DAPK1: variants seen among roughly 807,000 people sequenced by gnomAD.
The protein encoded by DAPK1 is death associated protein kinase 1.
A neutral mutation model predicts 144.9 loss-of-function variants in DAPK1; 56 were observed. The ratio of observed to expected loss-of-function variants is 0.39; its 90% confidence interval spans 0.31 to 0.48. The LOEUF (loss-of-function observed/expected upper bound fraction) is 0.48, where lower values mean the gene tolerates loss of function less well. Among genes scored for constraint, DAPK1 ranks in the 20% least tolerant of loss-of-function variants. The probability of loss-of-function intolerance (pLI) is 0.95; values close to 1 mark genes in which losing one functional copy is unlikely to be tolerated. For synonymous variants in DAPK1, 690 were observed against 749.0 expected (o/e 0.92, Z 1.29); for missense variants, 1,454 against 1,875.4 (o/e 0.78, Z 4.15).
At chr9:87,531,286 G>A (rs1825690952) in intron 2 of DAPK1, among the ~76,000 whole-genome samples, 1 of 152,192 alleles carries the variant, frequency 6.6e-6, no homozygotes, top group African/African-American at 2.4e-5. Context: ...GCTGGCTGGA[G>A]TTCATTACTG....
intron 2 of DAPK1, among the ~76,000 whole-genome samples, chr9:87,571,589 TC>T (rs1827363786): frequency 6.6e-6 from 1 of 150,934 alleles, no homozygotes; most frequent in South Asian, 2.1e-4. Context: ...TCCCATTTGA[TC>T]TGTCTCCTTG....
chr9:87,621,842 T>C (rs1829304254), intron 3 of DAPK1, among the ~76,000 whole-genome samples: 1 of 152,150 alleles, frequency 6.6e-6, no homozygotes, highest in South Asian at 2.1e-4. Context: ...AACTGTGGCC[T>C]GGGTGACTCT....
Position 87,639,392 on chromosome 9 carries a change from A to T in DAPK1, c.462A>T (p.Lys154Asn). 6.2e-7 allele frequency: 1 copy of T among 1,610,674 alleles called. No individual in the cohort carries two copies. The highest frequency in any genetic ancestry group is 8.5e-7 in the Non-Finnish European group (1 of 1,179,146). ...TGCTTTTGGATAGAAATGTCCCCAA[A>T]CCTCGGATCAAGATCATTGACTTTG... ...NIMLLDRNVP[K>N]PRIKIIDFGL... Residue 154 changes from lysine (K) to asparagine (N), a missense_variant, in exon 5 of 26, where the codon AAA becomes AAT. Lys to Asn is a moderately conservative substitution (Grantham distance 94). Around this residue, in one of 2 missense-constraint regions of DAPK1, gnomAD observed 429 missense variants for 637.5 expected, o/e 0.67. Transcript: ENST00000408954.
chr9:87,638,686 A>C (rs180825667), intron 4 of DAPK1, among the ~76,000 whole-genome samples: 5 of 152,312 alleles, frequency 3.3e-5, no homozygotes, highest in Admixed American at 1.3e-4. Flanking sequence ...CTGGTAAAGC[A>C]GCGCGTGCTC....
chr9:87,676,178 C>G (rs1359466326), intron 19 of DAPK1, among the ~76,000 whole-genome samples: 1 of 152,242 alleles, frequency 6.6e-6, no homozygotes, highest in Non-Finnish European at 1.5e-5. Flanking sequence ...CTGGCCCAGC[C>G]AGGGAGGGCC....
At chr9:87,672,321 G>A (rs1824199818) in intron 19 of DAPK1, among the ~76,000 whole-genome samples, 1 of 152,150 alleles carries the variant, frequency 6.6e-6, no homozygotes. Flanking sequence ...GTTTACAGAG[G>A]GGAATGTTGC....
At chr9:87,508,381 C>T (rs1297204647) in intron 2 of DAPK1, among the ~76,000 whole-genome samples, 1 of 148,834 alleles carries the variant, frequency 6.7e-6, no homozygotes, top group African/African-American at 2.5e-5. Context: ...CTTGCTTTGT[C>T]GCCCAGGCTG....
intron 3 of DAPK1, among the ~76,000 whole-genome samples, chr9:87,610,499 C>A (rs1015477): frequency 0.53 from 81,126 of 152,178 alleles, 24,014 homozygotes; most frequent in African/African-American, 0.79. Context: ...GGCATTGTTC[C>A]TCAGCAGCCC....
chr9:87,628,207 G>A (rs1353484739), intron 3 of DAPK1, among the ~76,000 whole-genome samples: 1 of 152,198 alleles, frequency 6.6e-6, no homozygotes, highest in African/African-American at 2.4e-5. Flanking sequence ...AATCCATGCG[G>A]CTCCTTTTAA....
intron 19 of DAPK1, among the ~76,000 whole-genome samples, chr9:87,676,285 A>G (rs1824375609): frequency 6.6e-6 from 1 of 152,200 alleles, no homozygotes; most frequent in Non-Finnish European, 1.5e-5. Context: ...CCCCCTCCAA[A>G]TAAATCAGTC....
At chr9:87,583,429 G>A (rs1031299982) in intron 2 of DAPK1, among the ~76,000 whole-genome samples, 13 of 152,166 alleles carry the variant, frequency 8.5e-5, no homozygotes, top group African/African-American at 2.9e-4. Context: ...CAAATGTAAC[G>A]AGCCCCAAGC....
rs1232689193 is a variant in DAPK1 at position 87,708,154 on chromosome 9, A to G, written c.*790A>G. The G allele has an allele frequency of 7.9e-6, 2 of 251,864 alleles. No homozygotes were observed. Among genetic ancestry groups the G allele is most frequent in the Non-Finnish European group, 1.6e-5 (2 of 127,534 alleles). The allele number at this position is 251,864 out of a possible 1,614,324, so 15.6% of individuals were successfully genotyped here. ...CATTTTTCCGTTTGCTTTTGTTCCA[A>G]TGTCAATGTGAACGTCCACATGAAA... On this transcript the variant is annotated 3_prime_UTR_variant, in exon 26 of 26. Transcript: ENST00000408954.
chr9:87,561,327 C>G (rs1341668685), intron 2 of DAPK1, among the ~76,000 whole-genome samples: 2 of 152,084 alleles, frequency 1.3e-5, no homozygotes, highest in African/African-American at 2.4e-5. Context: ...GAGATCGAGA[C>G]CAGCCTGGCT....
At position 87,637,946 on chromosome 9, in the gene DAPK1, T is replaced by C; in HGVS notation, c.288T>C (p.Val96=). 1 of 1,613,820 alleles carries C rather than the reference T, an allele frequency of 6.2e-7. No individual in the cohort carries two copies. The highest frequency in any genetic ancestry group is 8.5e-7 in the Non-Finnish European group (1 of 1,179,760). The stretch of plus-strand genomic sequence containing the variant: ...ACCTCTGCTTCCGGGTTCTCAGCGT[T>C]GCAGGTGGCGAGCTGTTTGACTTCT... The part of the protein sequence containing the change: ...KTDVILILEL[V]AGGELFDFLA... The change falls in exon 4 of 26, where the codon GTT becomes GTC. Residue 96 remains valine (V), a synonymous_variant. Transcript: ENST00000408954.
At chr9:87,675,410 G>A (rs12552351) in intron 19 of DAPK1, among the ~76,000 whole-genome samples, 16,713 of 151,966 alleles carry the variant, frequency 0.11, 1,106 homozygotes, top group East Asian at 0.25. Context: ...GCAAGGGGCC[G>A]GGTAGTGAAG....
chr9:87,541,656 A>G (rs1826061032), intron 2 of DAPK1, among the ~76,000 whole-genome samples: 1 of 152,200 alleles, frequency 6.6e-6, no homozygotes, highest in South Asian at 2.1e-4. Context: ...ACTCTAGTCA[A>G]CCAATGGAGA....
intron 3 of DAPK1, among the ~76,000 whole-genome samples, chr9:87,605,555 T>C (rs556530373): frequency 1.3e-5 from 2 of 152,264 alleles, no homozygotes; most frequent in Admixed American, 1.3e-4. Flanking sequence ...TTTTTCTGCC[T>C]TTCTTCCTCT....
intron 21 of DAPK1, among the ~76,000 whole-genome samples, chr9:87,690,235 A>T (rs983261440): frequency 2.0e-5 from 3 of 151,866 alleles, no homozygotes; most frequent in Admixed American, 6.6e-5. Flanking sequence ...GGTTAAATTT[A>T]TTCCTGAGTA....
chr9:87,592,707 G>T (rs995642246), intron 2 of DAPK1, among the ~76,000 whole-genome samples: 2 of 152,090 alleles, frequency 1.3e-5, no homozygotes, highest in Non-Finnish European at 2.9e-5. Context: ...GGTGAGGTCA[G>T]CCTCGTGGCT....
Sources: gnomAD v4.1 joint callset for allele counts (sites outside exome capture counted in the v4.1 genomes callset) on GRCh38, gnomAD v4.1.1 for gene constraint, gnomAD v4.1.1 regional missense constraint, MANE v1.5 for transcripts, NCBI Gene and HGNC (gene_info 2026-07-23, HGNC 2026-07-21) for gene names.